Variants in HSD17B4 observed in about 807,000 individuals in gnomAD.
HSD17B4 encodes peroxisomal multifunctional enzyme type 2.
A neutral mutation model predicts 101.0 loss-of-function variants in HSD17B4; 70 were observed. The ratio of observed to expected loss-of-function variants is 0.69; its 90% CI spans 0.57 to 0.85. The LOEUF is 0.85. Ranked by LOEUF, HSD17B4 falls within the 40% of genes least tolerant of loss-of-function variation. The pLI is 0.00. For missense variants in HSD17B4, 984 were observed against 892.4 expected, an observed-to-expected ratio of 1.10 and a Z score of -1.31; for synonymous variants, 347 against 297.1, an observed-to-expected ratio of 1.17 and a Z score of -1.73.
At chr5:119,519,136 T>TCAAAA (rs558103619) in intron 17 of HSD17B4, among the ~76,000 whole-genome samples, 20 of 152,250 alleles carry the variant, frequency 1.3e-4, no homozygotes, top group South Asian at 2.1e-4. Flanking sequence ...AGACCCTGTC[T>TCAAAA]CAAAACAAAA....
At chr5:119,495,892 A>T (rs141155223) in intron 11 of HSD17B4, 196 of 153,610 alleles carry the variant, frequency 1.3e-3, no homozygotes, top group Non-Finnish European at 2.2e-3. Flanking sequence ...GTCTGAGTTC[A>T]GAAGGAAGCC....
At chr5:119,539,105 G>A (rs1754765504) in intron 23 of HSD17B4, among the ~76,000 whole-genome samples, 1 of 151,938 alleles carries the variant, frequency 6.6e-6, no homozygotes, top group African/African-American at 2.4e-5. Context: ...TCCATAAATC[G>A]AGGGAAAAAA....
chr5:119,495,905 T>C (rs1750602815), intron 11 of HSD17B4: 1 of 153,330 alleles, frequency 6.5e-6, no homozygotes, highest in African/African-American at 2.4e-5. Context: ...AGGAAGCCCA[T>C]GTCTCTAAGG....
At chr5:119,479,167 T>A (rs1748880198) in intron 8 of HSD17B4, 146 bp downstream of exon 8, 6 of 634,734 alleles carry the variant, frequency 9.5e-6, no homozygotes, top group Non-Finnish European at 1.6e-5. Context: ...GTGTTCATTG[T>A]GGAAAATTTA....
chr5:119,506,155 AT>A (rs112434101), intron 14 of HSD17B4, among the ~76,000 whole-genome samples: 3,145 of 152,190 alleles, frequency 0.021, 95 homozygotes, highest in African/African-American at 0.071. Flanking sequence ...TCCTAATGTT[AT>A]CCCTCCCCTT....
chr5:119,456,220 G>A lies in HSD17B4; in HGVS notation c.59-95G>A, dbSNP rs969978269. 5.5e-5 allele frequency: 44 copies of A among 798,718 alleles called. No homozygotes were observed. The East Asian group carries it at 1.0e-3, about 18-fold the overall frequency. The allele number at this position is 798,718 out of a possible 1,614,324, so 49.5% of individuals were successfully genotyped here. On this transcript the variant is annotated intron_variant, in intron 1 of 23. Transcript: ENST00000510025. ...GAGTATCATTAAAATGTAATTAATTGTTCACCAATTTCTTTAAATGGGGAT... is the reference window on the plus strand; with the variant it reads ...GAGTATCATTAAAATGTAATTAATTATTCACCAATTTCTTTAAATGGGGAT...
chr5:119,536,214 T>G (rs540009922), intron 22 of HSD17B4: 3 of 506,756 alleles, frequency 5.9e-6, no homozygotes, highest in Non-Finnish European at 1.1e-5. Context: ...GTTCCACTTC[T>G]TTACCTCAAA....
chr5:119,469,065 C>T (rs535853856), intron 2 of HSD17B4, among the ~76,000 whole-genome samples: 1 of 150,512 alleles, frequency 6.6e-6, no homozygotes, highest in East Asian at 2.0e-4. Flanking sequence ...TTCTTAAGCT[C>T]TGTTTTTTTT....
intron 2 of HSD17B4, among the ~76,000 whole-genome samples, chr5:119,465,565 A>G (rs561858353): frequency 6.6e-6 from 1 of 152,082 alleles, no homozygotes; most frequent in Non-Finnish European, 1.5e-5. Context: ...TTCCAATTAA[A>G]CCTCTTTTCT....
At chr5:119,472,970 T>G (rs1580542300) in intron 2 of HSD17B4, among the ~76,000 whole-genome samples, 1 of 152,366 alleles carries the variant, frequency 6.6e-6, no homozygotes, top group African/African-American at 2.4e-5. Flanking sequence ...TCTTTTTAAA[T>G]GCAGAATTAC....
At chr5:119,499,608 A>T in intron 13 of HSD17B4, 55 bp downstream of exon 13, 1 of 938,432 alleles carries the variant, frequency 1.1e-6, no homozygotes, top group East Asian at 2.4e-5. Flanking sequence ...AATATTATTC[A>T]TTAATGTCAT....
In HSD17B4 at chr5:119,489,253, G is replaced by C. The variant is rs770456299; in HGVS notation, c.684G>C (p.Glu228Asp). 6.2e-7 allele frequency: 1 copy of C among 1,612,548 alleles called. No homozygotes were observed. Among genetic ancestry groups the C allele is most frequent in the South Asian group, 1.1e-5 (1 of 91,054 alleles). ...CTCTTGTCCTTTGGCTTTGTCACGAGAGTTGTGAGGAGAATGGTGGCTTGT... is the reference window on the plus strand; with the variant it reads ...CTCTTGTCCTTTGGCTTTGTCACGACAGTTGTGAGGAGAATGGTGGCTTGT... Reference protein sequence around the residue: ...VAPLVLWLCHESCEENGGLFE... With the variant: ...VAPLVLWLCHDSCEENGGLFE... The change falls in exon 9 of 24, where the codon GAG (glutamate) becomes GAC (aspartate). Residue 228 changes from glutamate to aspartate, a missense_variant. Physicochemically the swap from Glu to Asp is conservative, Grantham distance 45. Transcript: ENST00000510025.
intron 15 of HSD17B4, among the ~76,000 whole-genome samples, chr5:119,508,938 C>G (rs1276828333): frequency 6.6e-6 from 1 of 152,186 alleles, no homozygotes; most frequent in African/African-American, 2.4e-5. Context: ...AGCTCCTCTT[C>G]TCTCTGCCTT....
At chr5:119,491,901 T>C (rs374439892) in intron 9 of HSD17B4, among the ~76,000 whole-genome samples, 199 bp from the exon 10 acceptor site, 2 of 152,310 alleles carry the variant, frequency 1.3e-5, no homozygotes, top group African/African-American at 4.8e-5. Flanking sequence ...CATTGTACTG[T>C]TTTACGTTTG....
chr5:119,480,825 C>T (rs1003889932), intron 8 of HSD17B4, among the ~76,000 whole-genome samples: 18 of 152,190 alleles, frequency 1.2e-4, no homozygotes, highest in Non-Finnish European at 2.4e-4. Context: ...AGACCTACCC[C>T]TAGGTGCGCA....
intron 17 of HSD17B4, among the ~76,000 whole-genome samples, chr5:119,524,814 A>T (rs1320390859): frequency 1.3e-5 from 2 of 152,162 alleles, no homozygotes; most frequent in African/African-American, 4.8e-5. Context: ...ATATTGTCTT[A>T]GAAGCTTCAA....
intron 2 of HSD17B4, among the ~76,000 whole-genome samples, chr5:119,457,160 T>A (rs1754760384): frequency 6.6e-6 from 1 of 152,172 alleles, no homozygotes; most frequent in East Asian, 1.9e-4. Context: ...AGAAACGAAT[T>A]TGTCCACAAC....
intron 17 of HSD17B4, among the ~76,000 whole-genome samples, chr5:119,522,842 ATTAT>A (rs1042445401): frequency 2.6e-5 from 4 of 152,080 alleles, no homozygotes; most frequent in Non-Finnish European, 5.9e-5. Context: ...TGTACTATTA[ATTAT>A]TTTCATTGTA....
At chr5:119,466,667 T>A (rs1486637369) in intron 2 of HSD17B4, among the ~76,000 whole-genome samples, 1 of 152,112 alleles carries the variant, frequency 6.6e-6, no homozygotes, top group East Asian at 1.9e-4. Context: ...CTGATTTTAT[T>A]TGTGTTTTCT....
Sources: gnomAD v4.1 joint callset for allele counts (sites outside exome capture counted in the v4.1 genomes callset) on GRCh38, gnomAD v4.1.1 for gene constraint, MANE v1.5 for transcripts, NCBI Gene and HGNC (gene_info 2026-07-23, HGNC 2026-07-21) for gene names.